CTNNA3: variants seen among roughly 807,000 people sequenced by gnomAD.
The protein encoded by CTNNA3 is catenin alpha 3.
Under a neutral mutation model 95.7 loss-of-function variants are expected in CTNNA3, and 76 were observed. That is an observed-to-expected ratio of 0.79 (90% confidence interval 0.66 to 0.96). The LOEUF is 0.96. CTNNA3 is among the 40% of genes least tolerant of loss of function. CTNNA3 has a pLI of 0.00. For missense variants in CTNNA3, 1,191 were observed against 1,089.8 expected, an observed-to-expected ratio of 1.09 and a Z score of -1.31; for synonymous variants, 431 against 374.4, an observed-to-expected ratio of 1.15 and a Z score of -1.74.
intron 5 of CTNNA3, among the ~76,000 whole-genome samples, chr10:67,368,212 G>C (rs752390099): frequency 6.6e-6 from 1 of 152,164 alleles, no homozygotes; most frequent in African/African-American, 2.4e-5. Flanking sequence ...AACCTAACAG[G>C]CATCTCACCA....
chr10:66,043,594 A>G (rs530229079), intron 15 of CTNNA3, among the ~76,000 whole-genome samples: 1 of 152,318 alleles, frequency 6.6e-6, no homozygotes, highest in Non-Finnish European at 1.5e-5. Flanking sequence ...TGATTATACG[A>G]AGAGAAAAAA....
At chr10:66,050,631 A>G (rs527590831) in intron 15 of CTNNA3, among the ~76,000 whole-genome samples, 11 of 151,970 alleles carry the variant, frequency 7.2e-5, no homozygotes, top group African/African-American at 2.2e-4. Flanking sequence ...TTTGATTCCA[A>G]TCCTTTCATG....
chr10:66,517,422 T>C (rs897188206), intron 11 of CTNNA3, among the ~76,000 whole-genome samples: 14 of 151,846 alleles, frequency 9.2e-5, no homozygotes, highest in Non-Finnish European at 1.3e-4. Flanking sequence ...GCTGATAAAA[T>C]AGGTTTGCAG....
intron 12 of CTNNA3, among the ~76,000 whole-genome samples, chr10:66,331,887 T>A (rs1334950684): frequency 6.6e-6 from 1 of 152,060 alleles, no homozygotes; most frequent in Admixed American, 6.5e-5. Context: ...ATAAATTACC[T>A]TGGGCAGCAT....
intron 14 of CTNNA3, among the ~76,000 whole-genome samples, chr10:66,082,223 A>T (rs2080793848): frequency 6.6e-6 from 1 of 152,090 alleles, no homozygotes; most frequent in South Asian, 2.1e-4. Context: ...CCAGCAACCA[A>T]CACCAAATGA....
At chr10:67,624,041 C>T (rs947238759) in intron 2 of CTNNA3, among the ~76,000 whole-genome samples, 18 of 151,974 alleles carry the variant, frequency 1.2e-4, no homozygotes, top group African/African-American at 3.1e-4. Flanking sequence ...AGGCTGGTCT[C>T]GAACTCCTGA....
At chr10:66,588,430 A>C (rs972512461) in intron 10 of CTNNA3, among the ~76,000 whole-genome samples, 1 of 151,800 alleles carries the variant, frequency 6.6e-6, no homozygotes, top group African/African-American at 2.4e-5. Flanking sequence ...TGGGAGAGGC[A>C]GGCTAACAAT....
intron 7 of CTNNA3, among the ~76,000 whole-genome samples, chr10:67,035,103 T>C (rs12098774): frequency 0.018 from 2,717 of 152,306 alleles, 78 homozygotes; most frequent in African/African-American, 0.061. Flanking sequence ...TTCACCTGTA[T>C]TGAATTATCT....
intron 9 of CTNNA3, among the ~76,000 whole-genome samples, chr10:66,632,636 G>A (rs1300488315): frequency 6.6e-6 from 1 of 151,492 alleles, no homozygotes; most frequent in Non-Finnish European, 1.5e-5. Flanking sequence ...TGTTTTTCAG[G>A]GTAATGGTAA....
rs556098953 is a variant in CTNNA3 at position 66,581,215 on chromosome 10, A to T, written c.1374+40477T>A. ...TGTGCTGCAATAAACATATGCACACAGGCATCTCTTTGATATATTCATTCC... is the reference window on the plus strand; with the variant it reads ...TGTGCTGCAATAAACATATGCACACTGGCATCTCTTTGATATATTCATTCC... On this transcript the variant is annotated intron_variant, in intron 10 of 17. Coordinates refer to ENST00000433211, the MANE Select transcript of CTNNA3 (RefSeq NM_013266.4). 9.9e-4 allele frequency among the ~76,000 whole-genome samples: 150 copies of T among 150,774 alleles called. 1 individual carries two copies. Among genetic ancestry groups the T allele is most frequent in the African/African-American group, 3.5e-3 (145 of 41,436 alleles).
At chr10:67,381,551 C>G (rs1041560142) in intron 5 of CTNNA3, among the ~76,000 whole-genome samples, 1 of 152,156 alleles carries the variant, frequency 6.6e-6, no homozygotes, top group Non-Finnish European at 1.5e-5. Context: ...ACTGGAAGAT[C>G]TGACACAAAG....
At chr10:67,412,809 G>A (rs1845413858) in intron 5 of CTNNA3, among the ~76,000 whole-genome samples, 1 of 152,114 alleles carries the variant, frequency 6.6e-6, no homozygotes, top group Non-Finnish European at 1.5e-5. Context: ...AGCAAATGCT[G>A]AGGGAATACG....
intron 7 of CTNNA3, among the ~76,000 whole-genome samples, chr10:67,152,097 T>G (rs532463960): frequency 6.6e-6 from 1 of 152,298 alleles, no homozygotes; most frequent in South Asian, 2.1e-4. Context: ...AGGAACCTTT[T>G]GAAAAGTGAA....
intron 2 of CTNNA3, among the ~76,000 whole-genome samples, chr10:67,627,688 A>C (rs1435219382): frequency 6.6e-6 from 1 of 152,130 alleles, no homozygotes; most frequent in Admixed American, 6.5e-5. Context: ...GAAAAGCTAA[A>C]TATATCTGTA....
chr10:66,137,715 G>A (rs1589521068), intron 13 of CTNNA3, among the ~76,000 whole-genome samples: 2 of 152,194 alleles, frequency 1.3e-5, no homozygotes, highest in East Asian at 1.9e-4. Context: ...GGGAGGCTGA[G>A]GTGGGTGGAT....
intron 5 of CTNNA3, among the ~76,000 whole-genome samples, chr10:67,464,539 G>A (rs916749867): frequency 6.6e-6 from 1 of 152,090 alleles, no homozygotes; most frequent in African/African-American, 2.4e-5. Context: ...TGAAAGTAGT[G>A]GCTGAGTATT....
chr10:65,925,982 G>A (rs2077163244), intron 17 of CTNNA3, among the ~76,000 whole-genome samples: 1 of 150,556 alleles, frequency 6.6e-6, no homozygotes, highest in Admixed American at 6.7e-5. Flanking sequence ...TCAAATATGT[G>A]ATAGGATATA....
intron 10 of CTNNA3, among the ~76,000 whole-genome samples, chr10:66,563,571 T>C (rs1434123113): frequency 5.3e-5 from 8 of 152,076 alleles, no homozygotes; most frequent in African/African-American, 1.9e-4. Flanking sequence ...CCAAAATCAC[T>C]AAACCAAAGA....
intron 10 of CTNNA3, among the ~76,000 whole-genome samples, chr10:66,584,008 C>A (rs902799427): frequency 6.6e-6 from 1 of 151,528 alleles, no homozygotes; most frequent in African/African-American, 2.4e-5. Context: ...CTTTTGGAAT[C>A]GATTCCTAGT....
Sources: allele counts gnomAD v4.1 joint callset (sites outside exome capture counted in the v4.1 genomes callset), GRCh38; gene constraint gnomAD v4.1.1; transcripts MANE v1.5; gene names NCBI Gene and HGNC (gene_info 2026-07-23, HGNC 2026-07-21).